The following ZNF383 variants were observed in gnomAD, a reference collection of about 807,000 sequenced individuals.
ZNF383 encodes zinc finger protein 383.
A neutral mutation model predicts 44.2 loss-of-function variants in ZNF383; 32 were observed. That is an observed-to-expected ratio of 0.72 (90% CI 0.55 to 0.97). The LOEUF is 0.97. Among genes scored for constraint, ZNF383 ranks in the 50% least tolerant of loss-of-function variants. The pLI, the probability that ZNF383 is intolerant of heterozygous loss-of-function variation, is 0.00. For missense variants in ZNF383, 487 were observed against 562.5 expected, an observed-to-expected ratio of 0.87 and a Z score of 1.36; for synonymous variants, 155 against 186.2, an observed-to-expected ratio of 0.83 and a Z score of 1.36.
At chr19:37,225,753 T>TAA (rs1973129271) in intron 2 of ZNF383, among the ~76,000 whole-genome samples, 1 of 151,678 alleles carries the variant, frequency 6.6e-6, no homozygotes, top group Admixed American at 6.6e-5. Context: ...TTTGATAAAT[T>TAA]AGTTTGACAT....
In ZNF383 at chr19:37,243,071, G is replaced by T. The variant is rs1266065176; in HGVS notation, c.835G>T (p.Glu279Ter). ...LIDHQRIHTG[E>*]KPYECKVCGK... Reference sequence around the variant, plus strand: ...TGACCATCAGCGAATTCACACTGGTGAAAAACCTTATGAATGTAAAGTATG... The same window carrying T: ...TGACCATCAGCGAATTCACACTGGTTAAAAACCTTATGAATGTAAAGTATG... Residue 279 changes from glutamate to a stop codon, truncating the protein, a stop_gained, in exon 6 of 6, where the codon GAA (glutamate) becomes TAA (stop). Transcript: ENST00000684119. LOFTEE classifies it high-confidence loss of function. 1 of 1,614,014 alleles carries T rather than the reference G, an allele frequency of 6.2e-7. No homozygotes were observed. The highest frequency in any genetic ancestry group is 1.7e-5 in the Admixed American group (1 of 59,998).
At chr19:37,242,046 G>T (rs373810811) in intron 5 of ZNF383, among the ~76,000 whole-genome samples, 55 of 33,860 alleles carry the variant, frequency 1.6e-3, no homozygotes, top group Non-Finnish European at 2.9e-3. Context: ...ATATAGTATA[G>T]ATACTATATA....
intron 1 of ZNF383, among the ~76,000 whole-genome samples, chr19:37,222,974 TAA>T (rs1972996688): frequency 6.6e-6 from 1 of 152,184 alleles, no homozygotes; most frequent in Non-Finnish European, 1.5e-5. Flanking sequence ...TTACTAGAGA[TAA>T]AGAGGAATAG....
At chr19:37,241,861 A>T (rs1307864390) in intron 5 of ZNF383, among the ~76,000 whole-genome samples, 2 of 151,378 alleles carry the variant, frequency 1.3e-5, no homozygotes, top group African/African-American at 4.9e-5. Flanking sequence ...CTAGAAAATG[A>T]TCCACTTCAT....
rs951107232 is a variant in ZNF383 at position 37,243,748 on chromosome 19, A to T, written c.*84A>T. The stretch of plus-strand genomic sequence containing the variant: ...GTTACCCTCTTCCGTAGTTTTTTTT[A>T]AAACTTTGTATTTAAATTTTGTATC... On this transcript the variant is annotated 3_prime_UTR_variant, in exon 6 of 6. Transcript: ENST00000684119. 21 of 931,318 alleles carry T rather than the reference A, an allele frequency of 2.3e-5. No individual in the cohort carries two copies. The highest frequency in any genetic ancestry group is 5.1e-5 in the South Asian group (2 of 39,060). 57.7% of individuals were successfully genotyped at this position (931,318 alleles called of 1,614,324 possible). A position where few individuals can be genotyped will look rare whatever the true frequency, so the allele number is the denominator to read the frequency against.
At position 37,224,808 on chromosome 19, in the gene ZNF383, T is replaced by G. The variant is rs969154668; in HGVS notation, c.-167-10T>G. 3 of 152,014 alleles carry G rather than the reference T, an allele frequency of 2.0e-5. No homozygotes were observed. Among genetic ancestry groups the G allele is most frequent in the African/African-American group, 7.3e-5 (3 of 41,358 alleles). 9.4% of individuals were successfully genotyped at this position (152,014 alleles called of 1,614,324 possible). A position where few individuals can be genotyped will look rare whatever the true frequency, so the allele number is the denominator to read the frequency against. On this transcript the variant is annotated splice_polypyrimidine_tract_variant and intron_variant, in intron 1 of 5. Transcript: ENST00000684119. ...ATTTACCATCTTAATCTTTGTTTTT[T>G]TTTTTTTAGACGGAGTCTCACTCTG...
chr19:37,229,820 A>G (rs1339281050), intron 2 of ZNF383, among the ~76,000 whole-genome samples: 1 of 141,808 alleles, frequency 7.1e-6, no homozygotes, highest in South Asian at 2.2e-4. Flanking sequence ...TTTTTTTTCA[A>G]TAAAACAGAG....
rs140869449 is a variant in ZNF383, at chr19:37,235,044, G to A, written c.10-505G>A. ...TCCCAGCACTTTGAGAGGCTGAGGC[G>A]GGCAGATCACCTGAGGTCAGGAGTT... On this transcript the variant is annotated intron_variant, in intron 3 of 5. Transcript: ENST00000684119. 6.2e-3 allele frequency among the ~76,000 whole-genome samples: 943 copies of A among 152,150 alleles called. 9 individuals carry two copies. Among genetic ancestry groups the A allele is most frequent in the African/African-American group, 0.022 (906 of 41,506 alleles).
chr19:37,243,108 T>G lies in ZNF383; in HGVS notation c.872T>G (p.Phe291Cys). 1 of 1,614,068 alleles carries G rather than the reference T, an allele frequency of 6.2e-7. No homozygotes were observed. The highest frequency in any genetic ancestry group is 8.5e-7 in the Non-Finnish European group (1 of 1,179,998). The change falls in exon 6 of 6, where the codon TTT (phenylalanine) becomes TGT (cysteine). Residue 291 changes from phenylalanine to cysteine, a missense_variant. Physicochemically the swap from Phe to Cys is radical, Grantham distance 205. Transcript: ENST00000684119. ...GAATGTAAAGTATGTGGGAAAGCCT[T>G]TACTAAGAGCTCACAACTTTTTCAG... ...PYECKVCGKA[F>C]TKSSQLFQHA...
chr19:37,232,502 G>A (rs1973547645), intron 3 of ZNF383, among the ~76,000 whole-genome samples: 1 of 151,956 alleles, frequency 6.6e-6, no homozygotes. Flanking sequence ...AAAAAAATAA[G>A]GTCATGATGC....
In ZNF383 at chr19:37,242,402, T is replaced by C; in HGVS notation, c.233-67T>C. 3 of 1,061,952 alleles carry C rather than the reference T, an allele frequency of 2.8e-6. No individual in the cohort carries two copies. In the South Asian group the frequency reaches 4.9e-5, roughly 17 times the overall value. 65.8% of individuals were successfully genotyped at this position (1,061,952 alleles called of 1,614,324 possible). ...CTATTCTTACTTTAATTTTTCCATT[T>C]CTATTATAAAAGTTTAATTTTTCAC... On this transcript the variant is annotated intron_variant, in intron 5 of 5. Transcript: ENST00000684119.
intron 3 of ZNF383, among the ~76,000 whole-genome samples, chr19:37,235,323 C>T (rs1012472057): frequency 1.3e-5 from 2 of 151,564 alleles, no homozygotes; most frequent in African/African-American, 2.4e-5. Context: ...TAGGGATGCT[C>T]GTTGCTACTG....
At position 37,235,672 on chromosome 19, in the gene ZNF383, A is replaced by G. The variant is rs369986049; in HGVS notation, c.133A>G (p.Met45Val). The change falls in exon 4 of 6, where the codon ATG becomes GTG. Residue 45 changes from methionine (M) to valine (V), a missense_variant. Physicochemically the swap from Met to Val is conservative, Grantham distance 21. Coordinates refer to ENST00000684119, the MANE Select transcript of ZNF383 (RefSeq NM_001387601.1). Reference sequence around the variant, plus strand: ...GGAGAACTACGGCAATCTGGTTTCAATGGGTAAGGGCATCTGTACCAGTGA... The same window carrying G: ...GGAGAACTACGGCAATCTGGTTTCAGTGGGTAAGGGCATCTGTACCAGTGA... ...MLENYGNLVSMGLYTPKPQVI... is the reference protein window; with the variant it reads ...MLENYGNLVSVGLYTPKPQVI... 41 of 1,608,654 alleles carry G rather than the reference A, an allele frequency of 2.5e-5. No homozygotes were observed. Among genetic ancestry groups the G allele is most frequent in the Admixed American group, 5.1e-5 (3 of 59,300 alleles).
Position 37,243,446 on chromosome 19 carries a change from A to G in ZNF383, c.1210A>G (p.Thr404Ala). 1 of 1,614,138 alleles carries G rather than the reference A, an allele frequency of 6.2e-7. No individual in the cohort carries two copies. The highest frequency in any genetic ancestry group is 8.5e-7 in the Non-Finnish European group (1 of 1,179,962). Residue 404 changes from threonine to alanine, a missense_variant, in exon 6 of 6, where the codon ACT becomes GCT. Coordinates refer to ENST00000684119, the MANE Select transcript of ZNF383 (RefSeq NM_001387601.1). ...FECLECGKAF[T>A]QNSQLFQHQR... ...ATGTCTTGAATGTGGGAAGGCCTTT[A>G]CTCAGAACTCACAACTTTTCCAGCA...
rs762545437 is a variant in ZNF383 at position 37,230,444 on chromosome 19, A to G, written c.-10A>G. ...TCAAGGAAGACTAACCATCTGCAAT[A>G]CTAGAAGCCATGGCTGAGGTGAGTT... On this transcript the variant is annotated 5_prime_UTR_variant, in exon 3 of 6. It adds an upstream start codon to the 5' untranslated region. Coordinates refer to ENST00000684119, the MANE Select transcript of ZNF383 (RefSeq NM_001387601.1). The G allele has an allele frequency of 1.2e-6, 2 of 1,613,292 alleles. No homozygotes were observed. The highest frequency in any genetic ancestry group is 1.3e-5 in the African/African-American group (1 of 74,768).
In ZNF383 at chr19:37,243,113, A is replaced by T. The variant is rs749541819; in HGVS notation, c.877A>T (p.Lys293Ter). The change falls in exon 6 of 6, where the codon AAG (lysine) becomes TAG (stop). Residue 293 changes from lysine to a stop codon, truncating the protein, a stop_gained. Transcript: ENST00000684119. LOFTEE classifies it high-confidence loss of function. Reference protein sequence around the residue: ...ECKVCGKAFTKSSQLFQHARI... With the variant: ...ECKVCGKAFT ...TAAAGTATGTGGGAAAGCCTTTACT[A>T]AGAGCTCACAACTTTTTCAGCATGC... 9 of 1,614,036 alleles carry T rather than the reference A, an allele frequency of 5.6e-6. No individual in the cohort carries two copies. In the Admixed American group the frequency reaches 1.2e-4, roughly 21 times the overall value.
intron 5 of ZNF383, among the ~76,000 whole-genome samples, chr19:37,240,376 C>T (rs1417181865): frequency 1.3e-5 from 2 of 152,022 alleles, no homozygotes; most frequent in African/African-American, 4.8e-5. Flanking sequence ...TTCCTGTAAC[C>T]CCCCAGTAAT....
At position 37,241,531 on chromosome 19, in the gene ZNF383, C is replaced by T. The variant is rs574594971; in HGVS notation, c.233-938C>T. On this transcript the variant is annotated intron_variant, in intron 5 of 5. Coordinates refer to ENST00000684119, the MANE Select transcript of ZNF383 (RefSeq NM_001387601.1). ...CAGAAAGCTCCACTGAATTTACTGC[C>T]CAGCATTTTTATTGAGGTTTTATTA... Among the ~76,000 whole-genome samples, 3 of 152,182 alleles carry T rather than the reference C, an allele frequency of 2.0e-5. No individual in the cohort carries two copies. In the East Asian group the frequency reaches 5.8e-4, roughly 29 times the overall value.
intron 1 of ZNF383, among the ~76,000 whole-genome samples, chr19:37,221,174 C>G (rs544337036): frequency 7.2e-5 from 11 of 152,326 alleles, no homozygotes; most frequent in Admixed American, 3.3e-4. Context: ...TAAATTCCTA[C>G]CGACAGCTTA....
Sources: allele counts gnomAD v4.1 joint callset (sites outside exome capture counted in the v4.1 genomes callset), GRCh38; gene constraint gnomAD v4.1.1; transcripts MANE v1.5; gene names NCBI Gene and HGNC (gene_info 2026-07-23, HGNC 2026-07-21).